The following SYN1 variants were observed in gnomAD, a reference collection of about 807,000 sequenced individuals.
The protein encoded by SYN1 is synapsin-1.
Under a neutral mutation model 44.6 loss-of-function variants are expected in SYN1, and 8 were observed. The ratio of observed to expected loss-of-function variants is 0.18; its 90% CI spans 0.11 to 0.32. The LOEUF is 0.32. Among genes scored for constraint, SYN1 ranks in the 10% least tolerant of loss-of-function variants. The probability of loss-of-function intolerance (pLI) is 1.00; values close to 1 mark genes in which losing one functional copy is unlikely to be tolerated. For missense variants in SYN1, 451 were observed against 639.4 expected (o/e 0.71, Z 3.18); for synonymous variants, 275 against 280.1 (o/e 0.98, Z 0.18).
chrX:47,585,208 T>C (rs774396901), intron 5 of SYN1: 1 of 1,185,677 alleles, frequency 8.4e-7, no homozygotes, highest in Middle Eastern at 2.4e-4. Flanking sequence ...TCAACAGATG[T>C]ATAAAGGGTT....
At chrX:47,597,283 C>T (rs746536389) in intron 5 of SYN1, among the ~76,000 whole-genome samples, 1 of 105,099 alleles carries the variant, frequency 9.5e-6, no homozygotes, top group South Asian at 4.3e-4. Context: ...TGCAGTGAGC[C>T]GAGATTGTGC....
At chrX:47,591,235 G>A (rs769953011) in intron 5 of SYN1, among the ~76,000 whole-genome samples, 1 of 112,617 alleles carries the variant, frequency 8.9e-6, no homozygotes, top group African/African-American at 3.2e-5. Flanking sequence ...CCCACTCTTC[G>A]TGGTTCCCTT....
intron 1 of SYN1, among the ~76,000 whole-genome samples, chrX:47,618,238 G>A (rs150494741): frequency 1.8e-4 from 20 of 112,110 alleles, no homozygotes; most frequent in Middle Eastern, 4.6e-3. Flanking sequence ...CTCAATACAT[G>A]CAGACTGAAG....
chrX:47,576,604 C>T lies in SYN1; in HGVS notation c.874G>A (p.Ala292Thr), dbSNP rs867915147. 4.1e-6 allele frequency: 5 copies of T among 1,210,020 alleles called. No individual in the cohort carries two copies. Among genetic ancestry groups the T allele is most frequent in the Non-Finnish European group, 5.6e-6 (5 of 895,290 alleles). ...GTCTTGGTCAGTGCCACGACACTTG[C>T]GATGTCCTGGAAGTCATGCTGGTTG... ...VDNQHDFQDI[A>T]SVVALTKTYA... The change falls in exon 7 of 13, where the codon GCA becomes ACA. Residue 292 changes from alanine (A) to threonine (T), a missense_variant. Physicochemically the swap from Ala to Thr is moderately conservative, Grantham distance 58. Coordinates refer to ENST00000295987, the MANE Select transcript of SYN1 (RefSeq NM_006950.3).
chrX:47,589,320 A>G (rs762828818), intron 5 of SYN1, among the ~76,000 whole-genome samples: 78 of 101,393 alleles, frequency 7.7e-4, no homozygotes, highest in African/African-American at 2.4e-3. Flanking sequence ...AAGGCCGGGC[A>G]TGGTGGCTTA....
chrX:47,583,975 G>T (rs2057811339), intron 5 of SYN1, among the ~76,000 whole-genome samples: 1 of 112,053 alleles, frequency 8.9e-6, no homozygotes, highest in Non-Finnish European at 1.9e-5. Flanking sequence ...TGCAGTCGGT[G>T]GGAGAGATTG....
At chrX:47,603,195 A>G (rs972108361) in intron 5 of SYN1, among the ~76,000 whole-genome samples, 1 of 111,237 alleles carries the variant, frequency 9.0e-6, no homozygotes, top group Admixed American at 9.6e-5. Flanking sequence ...AATTTTATTT[A>G]CTTATTTATT....
intron 1 of SYN1, among the ~76,000 whole-genome samples, chrX:47,614,498 G>T (rs181672329): frequency 9.0e-6 from 1 of 111,586 alleles, no homozygotes; most frequent in Non-Finnish European, 1.9e-5. Context: ...CAGAGACTAT[G>T]GCTCATCTCA....
intron 5 of SYN1, among the ~76,000 whole-genome samples, chrX:47,577,807 G>C (rs761734064): frequency 1.0e-5 from 1 of 98,184 alleles, no homozygotes; most frequent in South Asian, 5.4e-4. Flanking sequence ...CCAGTAAAAA[G>C]AAAGTTTGTT....
chrX:47,600,187 G>T, intron 5 of SYN1, among the ~76,000 whole-genome samples: 1 of 110,903 alleles, frequency 9.0e-6, no homozygotes, highest in South Asian at 3.8e-4. Context: ...AACTAGACAG[G>T]GAACCAAAAA....
chrX:47,594,734 T>C (rs1475744221), intron 5 of SYN1, among the ~76,000 whole-genome samples: 1 of 105,862 alleles, frequency 9.4e-6, no homozygotes, highest in African/African-American at 3.4e-5. Context: ...CTTTTCTTTT[T>C]TTTTTTTTTT....
intron 1 of SYN1, among the ~76,000 whole-genome samples, chrX:47,616,474 G>A (rs996796655): frequency 2.0e-4 from 22 of 111,811 alleles, no homozygotes; most frequent in African/African-American, 6.5e-4. Context: ...GGAAGCAGAC[G>A]CAAAGGACCT....
intron 5 of SYN1, among the ~76,000 whole-genome samples, chrX:47,592,318 A>G (rs778075065): frequency 7.8e-5 from 8 of 101,913 alleles, no homozygotes; most frequent in Non-Finnish European, 1.6e-4. Context: ...GGCCTGGGCA[A>G]TACAGCAAGA....
Position 47,577,481 on chromosome X carries a change from G to C in SYN1, c.795C>G (p.Pro265=). The C allele has an allele frequency of 8.3e-7, 1 of 1,205,867 alleles. No homozygotes were observed. Among genetic ancestry groups the C allele is most frequent in the African/African-American group, 1.7e-5 (1 of 57,477 alleles). Residue 265 remains proline, a synonymous_variant, in exon 6 of 13, where the codon CCC becomes CCG. Coordinates refer to ENST00000295987, the MANE Select transcript of SYN1 (RefSeq NM_006950.3). ...GTGCGTGCCCCATCTTCACAACCAC[G>C]GGGTACGTTGTACTGCTGAGCTGGT... is the stretch of plus-strand genomic sequence containing the variant. The part of the protein sequence containing the change: ...HKEMLSSTTY[P]VVVKMGHAHS...
chrX:47,598,122 G>A (rs1216525175), intron 5 of SYN1, among the ~76,000 whole-genome samples: 4 of 112,062 alleles, frequency 3.6e-5, no homozygotes, highest in African/African-American at 1.3e-4. Context: ...AACTACATAG[G>A]TAAATATAAA....
rs750068539 is a variant in SYN1 at position 47,576,314 on chromosome X, TGA to T, written c.1055+16_1055+17del. On this transcript the variant is annotated intron_variant, in intron 8 of 12. Coordinates refer to ENST00000295987, the MANE Select transcript of SYN1 (RefSeq NM_006950.3). Reference sequence around the variant, plus strand: ...CCCACCCCCGCTTCCCCTCACACCCTGAGTTCGGGCTGCCCACCTGTCAGACA... The same window carrying T: ...CCCACCCCCGCTTCCCCTCACACCCTGTTCGGGCTGCCCACCTGTCAGACA... The T allele has an allele frequency of 7.4e-6, 9 of 1,210,979 alleles. No individual in the cohort carries two copies. The highest frequency in any genetic ancestry group is 2.3e-4 in the Middle Eastern group (1 of 4,353).
At chrX:47,573,803 C>T (rs933421846) in intron 12 of SYN1, among the ~76,000 whole-genome samples, 199 bp downstream of exon 12, 2 of 110,723 alleles carry the variant, frequency 1.8e-5, no homozygotes, top group African/African-American at 6.6e-5. Context: ...CACCAAATTC[C>T]TGGGGTGGGG....
chrX:47,593,879 C>T (rs1211580211), intron 5 of SYN1, among the ~76,000 whole-genome samples: 1 of 111,893 alleles, frequency 8.9e-6, no homozygotes, highest in Non-Finnish European at 1.9e-5. Context: ...CTGTGGATGC[C>T]TTTTTTATAT....
intron 5 of SYN1, among the ~76,000 whole-genome samples, chrX:47,600,820 G>A (rs190885918): frequency 8.9e-6 from 1 of 111,948 alleles, no homozygotes; most frequent in East Asian, 2.8e-4. Flanking sequence ...GAAATTAGAA[G>A]ATACTTTGAG....
Sources: gnomAD v4.1 joint callset for allele counts (sites outside exome capture counted in the v4.1 genomes callset) on GRCh38, gnomAD v4.1.1 for gene constraint, MANE v1.5 for transcripts, NCBI Gene and HGNC (gene_info 2026-07-23, HGNC 2026-07-21) for gene names.